Variants in DGKB observed in about 807,000 individuals in gnomAD.
DGKB encodes the protein 90 kDa diacylglycerol kinase.
DGKB carries 67 observed loss-of-function variants against 114.3 expected under a neutral mutation model. That is an observed-to-expected ratio of 0.59 (90% CI 0.48 to 0.72). The LOEUF (loss-of-function observed/expected upper bound fraction) is 0.72. DGKB is among the 30% of genes least tolerant of loss of function. The pLI is 0.00. For missense variants in DGKB, 907 were observed against 975.2 expected, an observed-to-expected ratio of 0.93 and a Z score of 0.93; for synonymous variants, 398 against 323.1, an observed-to-expected ratio of 1.23 and a Z score of -2.49.
intron 1 of DGKB, among the ~76,000 whole-genome samples, chr7:14,889,207 G>A (rs1385188905): frequency 2.0e-5 from 3 of 151,644 alleles, no homozygotes; most frequent in Non-Finnish European, 3.0e-5. Context: ...GAATGCAAGT[G>A]AATAGATGCT....
At chr7:14,836,646 C>G (rs984110873) in intron 2 of DGKB, among the ~76,000 whole-genome samples, 1 of 152,152 alleles carries the variant, frequency 6.6e-6, no homozygotes, top group South Asian at 2.1e-4. Context: ...GTTTGGATGA[C>G]TTTATATCAA....
In DGKB at chr7:14,572,287, C is replaced by CA. The variant is rs11333094; in HGVS notation, c.1770+1924dup. ...GCTAACCCCGTATCTACTAAAAATA[C>CA]AAAAAAAAAAAAAAATTAGCCGGGC... is the stretch of plus-strand genomic sequence containing the variant. On this transcript the variant is annotated intron_variant, in intron 20 of 25. Coordinates refer to ENST00000402815, the MANE Select transcript of DGKB (RefSeq NM_001350709.2). Among the ~76,000 whole-genome samples, 1,325 of 135,156 alleles carry CA rather than the reference C, an allele frequency of 9.8e-3. 27 individuals are homozygous for CA. In the East Asian group the frequency reaches 0.11, roughly 11 times the overall value. 88.7% of individuals were successfully genotyped at this position (135,156 alleles called of 152,430 possible). A position where few individuals can be genotyped will look rare whatever the true frequency, so the allele number is the denominator to read the frequency against.
chr7:14,297,884 A>T (rs1022360377), intron 23 of DGKB, among the ~76,000 whole-genome samples: 4 of 152,158 alleles, frequency 2.6e-5, no homozygotes, highest in Non-Finnish European at 5.9e-5. Context: ...AATGTGCAAA[A>T]ATCACAAGCT....
chr7:14,534,714 G>A (rs1454050692), intron 20 of DGKB, among the ~76,000 whole-genome samples: 1 of 151,980 alleles, frequency 6.6e-6, no homozygotes, highest in African/African-American at 2.4e-5. Context: ...GTAAAAAAAA[G>A]AAAAAATACA....
intron 2 of DGKB, among the ~76,000 whole-genome samples, chr7:14,800,703 A>G (rs769615490): frequency 2.0e-5 from 3 of 152,174 alleles, no homozygotes; most frequent in Non-Finnish European, 4.4e-5. Flanking sequence ...AGGAGACCCA[A>G]TGTTTCTACT....
chr7:14,898,537 C>T (rs536224722), intron 1 of DGKB, among the ~76,000 whole-genome samples: 2 of 152,144 alleles, frequency 1.3e-5, no homozygotes, highest in South Asian at 4.2e-4. Context: ...AAGGCAAATG[C>T]CATGTAGTAA....
intron 21 of DGKB, among the ~76,000 whole-genome samples, chr7:14,375,470 C>CA (rs1313763099): frequency 6.6e-6 from 1 of 152,026 alleles, no homozygotes; most frequent in Non-Finnish European, 1.5e-5. Context: ...TGACAAAAGA[C>CA]AAAATCACAA....
intron 5 of DGKB, among the ~76,000 whole-genome samples, chr7:14,719,563 A>C (rs182532763): frequency 6.6e-6 from 1 of 152,122 alleles, no homozygotes; most frequent in East Asian, 1.9e-4. Context: ...TTGAGTGGCT[A>C]CTAGATTCCT....
chr7:14,671,347 T>C (rs1381571889), intron 13 of DGKB, among the ~76,000 whole-genome samples: 2 of 152,206 alleles, frequency 1.3e-5, no homozygotes, highest in East Asian at 1.9e-4. Flanking sequence ...TGCTCAATAG[T>C]CATCACACGC....
At chr7:14,620,219 T>C (rs1807353328) in intron 15 of DGKB, among the ~76,000 whole-genome samples, 2 of 151,344 alleles carry the variant, frequency 1.3e-5, no homozygotes, top group African/African-American at 4.8e-5. Flanking sequence ...TTCTCTAATA[T>C]ATAATAATTT....
upstream of DGKB, among the ~76,000 whole-genome samples, chr7:14,903,832 CCAGA>C (rs945490800): frequency 1.3e-5 from 2 of 152,060 alleles, no homozygotes; most frequent in African/African-American, 4.8e-5. Flanking sequence ...GTGTACAAAA[CCAGA>C]CAGTTATTAA....
intron 1 of DGKB, among the ~76,000 whole-genome samples, chr7:14,872,653 G>A (rs1562779431): frequency 6.6e-6 from 1 of 152,036 alleles, no homozygotes; most frequent in Non-Finnish European, 1.5e-5. Context: ...CAAAAATTCT[G>A]AAATCAAAGC....
chr7:14,966,781 T>C (rs17168561), intron 1 of DGKB, among the ~76,000 whole-genome samples: 23,169 of 152,086 alleles, frequency 0.15, 1,850 homozygotes, highest in Admixed American at 0.2. Flanking sequence ...AGCTCAAATA[T>C]AGAGACACTA....
At chr7:14,424,798 G>C (rs1196523026) in intron 21 of DGKB, among the ~76,000 whole-genome samples, 4 of 152,044 alleles carry the variant, frequency 2.6e-5, no homozygotes, top group Non-Finnish European at 5.9e-5. Flanking sequence ...AGATCACACA[G>C]CAAGTAAGTA....
chr7:14,521,950 A>T (rs1226482147), intron 20 of DGKB, among the ~76,000 whole-genome samples: 2 of 151,964 alleles, frequency 1.3e-5, no homozygotes, highest in African/African-American at 4.8e-5. Context: ...GCCTGGACTA[A>T]ATCTGTGAAG....
At chr7:14,565,740 T>C (rs1469572088) in intron 20 of DGKB, among the ~76,000 whole-genome samples, 2 of 151,084 alleles carry the variant, frequency 1.3e-5, no homozygotes, top group African/African-American at 4.9e-5. Flanking sequence ...TCAGTATCCA[T>C]GGCTCTTAGT....
At chr7:14,618,390 T>G (rs985957619) in intron 15 of DGKB, among the ~76,000 whole-genome samples, 2 of 151,630 alleles carry the variant, frequency 1.3e-5, no homozygotes, top group African/African-American at 4.8e-5. Context: ...TGTTACAAAC[T>G]AGATTCGTTA....
intron 23 of DGKB, among the ~76,000 whole-genome samples, chr7:14,243,939 G>A (rs866883325): frequency 6.6e-6 from 1 of 152,110 alleles, no homozygotes; most frequent in Non-Finnish European, 1.5e-5. Flanking sequence ...TGAGTAAAAT[G>A]AAGGAGTGGA....
At chr7:14,360,384 G>A (rs1445685848) in intron 21 of DGKB, among the ~76,000 whole-genome samples, 2 of 151,898 alleles carry the variant, frequency 1.3e-5, no homozygotes, top group African/African-American at 4.8e-5. Context: ...AATGGGTGCA[G>A]CAAGCTAACA....
Sources: allele counts gnomAD v4.1 joint callset (sites outside exome capture counted in the v4.1 genomes callset), GRCh38; gene constraint gnomAD v4.1.1; transcripts MANE v1.5; gene names NCBI Gene and HGNC (gene_info 2026-07-23, HGNC 2026-07-21).